FGFR2: variants seen among roughly 807,000 people sequenced by gnomAD.
FGFR2 encodes BEK fibroblast growth factor receptor.
In FGFR2, 19 loss-of-function variants were observed where a neutral mutation model predicts 95.9. That is an observed-to-expected ratio of 0.20 (90% confidence interval 0.14 to 0.29). The LOEUF is 0.29. FGFR2 is among the 10% of genes least tolerant of loss of function. The pLI is 1.00. For synonymous variants in FGFR2, 392 were observed against 393.3 expected (o/e 1.00, Z 0.04); for missense variants, 707 against 1,056.9 (o/e 0.67, Z 4.59).
chr10:121,515,044 C>T, intron 9 of FGFR2, 73 bp downstream of exon 9: 1 of 1,422,380 alleles, frequency 7.0e-7, no homozygotes, highest in South Asian at 1.2e-5. Context: ...GGCATCAAAG[C>T]AGAGGACAAG....
In FGFR2 at chr10:121,479,617, G is replaced by C. The variant is rs925125524; in HGVS notation, c.*240C>G. On this transcript the variant is annotated 3_prime_UTR_variant, in exon 18 of 18. Transcript: ENST00000358487. ...CAGCCAGTACGCACGGCAGGTGAGAGGGGTTACATGGTGGCTTGTGGCAGT... is the reference window on the plus strand; with the variant it reads ...CAGCCAGTACGCACGGCAGGTGAGACGGGTTACATGGTGGCTTGTGGCAGT... 3.2e-6 allele frequency: 5 copies of C among 1,551,740 alleles called. No individual in the cohort carries two copies. The highest frequency in any genetic ancestry group is 4.4e-6 in the Non-Finnish European group (5 of 1,147,000).
chr10:121,540,703 G>A (rs184665331), intron 5 of FGFR2, among the ~76,000 whole-genome samples: 272 of 152,190 alleles, frequency 1.8e-3, no homozygotes, highest in Non-Finnish European at 7.4e-4. Context: ...ATGTAGCCAC[G>A]GGTCCCCACG....
At chr10:121,593,685 G>T in intron 2 of FGFR2, 24 bp downstream of exon 2, 1 of 1,605,482 alleles carries the variant, frequency 6.2e-7, no homozygotes, top group Non-Finnish European at 8.5e-7. Flanking sequence ...AAACAAACCT[G>T]AAAAGTGAAA....
chr10:121,503,691 G>A, intron 10 of FGFR2, 99 bp downstream of exon 10: 1 of 1,339,374 alleles, frequency 7.5e-7, no homozygotes, highest in Non-Finnish European at 1.1e-6. Flanking sequence ...ATCACACCAA[G>A]ACCTTTGTGG....
intron 5 of FGFR2, among the ~76,000 whole-genome samples, chr10:121,550,391 A>G (rs935307125): frequency 1.3e-5 from 2 of 152,146 alleles, no homozygotes; most frequent in African/African-American, 2.4e-5. Flanking sequence ...TGCTCAATCA[A>G]TGTCTGCTAA....
At chr10:121,581,150 G>A (rs11599804) in intron 2 of FGFR2, among the ~76,000 whole-genome samples, 51,276 of 152,158 alleles carry the variant, frequency 0.34, 9,389 homozygotes, top group Middle Eastern at 0.44. Flanking sequence ...GGAGGCCGCC[G>A]GGATGCCCTT....
chr10:121,565,367 C>T (rs1857522348), intron 3 of FGFR2, 71 bp downstream of exon 3: 1 of 1,596,646 alleles, frequency 6.3e-7, no homozygotes. Context: ...GATCTCACTA[C>T]CTTTTCACTT....
intron 17 of FGFR2, among the ~76,000 whole-genome samples, chr10:121,482,493 T>C (rs960785518): frequency 4.6e-5 from 7 of 152,244 alleles, no homozygotes; most frequent in African/African-American, 1.4e-4. Context: ...TTATTTTCCT[T>C]CTAAAATACT....
intron 16 of FGFR2, among the ~76,000 whole-genome samples, 178 bp from the exon 17 acceptor site, chr10:121,483,981 C>T (rs952978058): frequency 2.6e-5 from 4 of 151,930 alleles, no homozygotes; most frequent in Non-Finnish European, 4.4e-5. Context: ...CCAGTTCCTC[C>T]GAAAGGCACT....
At chr10:121,487,952 C>T (rs2133832900) in intron 14 of FGFR2, 39 bp downstream of exon 14, 2 of 1,613,026 alleles carry the variant, frequency 1.2e-6, no homozygotes, top group Non-Finnish European at 1.7e-6. Context: ...CTGAGCCTCA[C>T]CCCCGCCCCT....
At chr10:121,572,180 C>T (rs1054854206) in intron 2 of FGFR2, among the ~76,000 whole-genome samples, 5 of 140,956 alleles carry the variant, frequency 3.5e-5, no homozygotes, top group South Asian at 2.3e-4. Flanking sequence ...AAAAAAAAGC[C>T]GGGAATGATG....
At chr10:121,486,925 G>A (rs1845491061) in intron 15 of FGFR2, among the ~76,000 whole-genome samples, 1 of 152,122 alleles carries the variant, frequency 6.6e-6, no homozygotes, top group African/African-American at 2.4e-5. Flanking sequence ...TCCCCAGCCT[G>A]GACCACATCT....
At chr10:121,550,722 C>T (rs1453380694) in intron 5 of FGFR2, among the ~76,000 whole-genome samples, 1 of 152,164 alleles carries the variant, frequency 6.6e-6, no homozygotes, top group Non-Finnish European at 1.5e-5. Flanking sequence ...AGAAAACAGA[C>T]TCTCAACTTT....
chr10:121,577,170 T>TAGAGAG (rs1200519814), intron 2 of FGFR2, among the ~76,000 whole-genome samples: 2 of 3,330 alleles, frequency 6.0e-4, no homozygotes, highest in South Asian at 5.1e-3. Flanking sequence ...TATATATATA[T>TAGAGAG]ATATATATAG....
intron 2 of FGFR2, among the ~76,000 whole-genome samples, chr10:121,581,555 A>G (rs1457356814): frequency 6.7e-6 from 1 of 149,486 alleles, no homozygotes; most frequent in African/African-American, 2.5e-5. Flanking sequence ...GCTGGGCAAC[A>G]AGTGAGAACC....
intron 2 of FGFR2, among the ~76,000 whole-genome samples, chr10:121,579,162 T>C: frequency 6.6e-6 from 1 of 152,338 alleles, no homozygotes; most frequent in East Asian, 1.9e-4. Context: ...CAGTGCTGCC[T>C]GCTGCAGGGC....
chr10:121,523,974 C>T (rs751717595), intron 6 of FGFR2, among the ~76,000 whole-genome samples: 3 of 152,216 alleles, frequency 2.0e-5, no homozygotes, highest in Non-Finnish European at 4.4e-5. Flanking sequence ...CAGGCTTCGG[C>T]AGGGAATTTA....
intron 9 of FGFR2, among the ~76,000 whole-genome samples, chr10:121,507,767 A>G (rs566518388): frequency 6.6e-6 from 1 of 152,296 alleles, no homozygotes; most frequent in Non-Finnish European, 1.5e-5. Context: ...TTTGCTGCCC[A>G]GATCTGAGAG....
At chr10:121,497,182 G>C (rs1413626093) in intron 12 of FGFR2, among the ~76,000 whole-genome samples, 1 of 146,292 alleles carries the variant, frequency 6.8e-6, no homozygotes, top group Non-Finnish European at 1.5e-5. Flanking sequence ...TTAACATACA[G>C]AAAAGCACAC....
Sources: allele counts gnomAD v4.1 joint callset (sites outside exome capture counted in the v4.1 genomes callset), GRCh38; gene constraint gnomAD v4.1.1; transcripts MANE v1.5; gene names NCBI Gene and HGNC (gene_info 2026-07-23, HGNC 2026-07-21).